EMILIN3: variants seen among roughly 807,000 people sequenced by gnomAD.
The protein encoded by EMILIN3 is elastin microfibril interfacer 3, also known as EMILIN-3.
EMILIN3 carries 38 observed loss-of-function variants against 42.8 expected under a neutral mutation model. The observed-to-expected ratio is 0.89, with a 90% confidence interval of 0.69 to 1.16. The LOEUF (loss-of-function observed/expected upper bound fraction) is 1.16, where lower values mean the gene tolerates loss of function less well. Among genes scored for constraint, EMILIN3 ranks in the 50% most tolerant of loss-of-function variants. The pLI, the probability that EMILIN3 is intolerant of heterozygous loss-of-function variation, is 0.00. For missense variants in EMILIN3, 924 were observed against 999.5 expected, an observed-to-expected ratio of 0.92 and a Z score of 1.02; for synonymous variants, 430 against 440.5, an observed-to-expected ratio of 0.98 and a Z score of 0.30.
Position 41,366,705 on chromosome 20 carries a change from G to T in EMILIN3, c.-71C>A. The T allele has an allele frequency of 1.1e-6, 1 of 940,606 alleles. No individual in the cohort carries two copies. Among genetic ancestry groups the T allele is most frequent in the East Asian group, 1.2e-4 (1 of 8,488 alleles). 58.3% of individuals were successfully genotyped at this position (940,606 alleles called of 1,614,324 possible). The stretch of plus-strand genomic sequence containing the variant: ...GGGTGTCCGCCTGCAGCGCCGCGCC[G>T]CCCCCGCCGCTGGTCGGCCCGGGTC... On this transcript the variant is annotated 5_prime_UTR_variant, in exon 1 of 4. Transcript: ENST00000332312. This position sits in a 1 kb window ranked among gnomAD's most constrained non-coding sequence, Gnocchi z 4.2.
Position 41,361,425 on chromosome 20 carries a change from G to C in EMILIN3, c.2144C>G (p.Thr715Ser). 6.2e-7 allele frequency: 1 copy of C among 1,610,726 alleles called. No homozygotes were observed. Among genetic ancestry groups the C allele is most frequent in the Non-Finnish European group, 8.5e-7 (1 of 1,178,440 alleles). The change falls in exon 4 of 4, where the codon ACT becomes AGT. Residue 715 changes from threonine to serine, a missense_variant. By Grantham distance (58) the Thr-to-Ser change is moderately conservative. Coordinates refer to ENST00000332312, the MANE Select transcript of EMILIN3 (RefSeq NM_052846.2). ...LLAAGLDSLP[T>S]EPLRPREGLW... ...GCCCTCTCTGGGCCTCAGTGGCTCA[G>C]TGGGCAAGCTGTCCAGGCCCGCGGC...
Position 41,361,276 on chromosome 20 carries a change from C to A in EMILIN3, c.2293G>T (p.Ala765Ser). The change falls in exon 4 of 4, where the codon GCC becomes TCC. Residue 765 changes from alanine to serine, a missense_variant. By Grantham distance (99) the Ala-to-Ser change is moderately conservative. Coordinates refer to ENST00000332312, the MANE Select transcript of EMILIN3 (RefSeq NM_052846.2). ...GGTCCTGGCCAGCCTGTCTAGTTGG[C>A]TTGCCCTGGCCGCACCTGCTCAGCC... ...QLAEQVRPGQ[A>S]N 1 of 1,584,092 alleles carries A rather than the reference C, an allele frequency of 6.3e-7. No homozygotes were observed. Among genetic ancestry groups the A allele is most frequent in the Non-Finnish European group, 8.6e-7 (1 of 1,158,888 alleles).
chr20:41,362,220 C>T lies in EMILIN3; in HGVS notation c.1349G>A (p.Arg450Lys), dbSNP rs142810247. The change falls in exon 4 of 4, where the codon AGG (arginine) becomes AAG (lysine). Residue 450 changes from arginine to lysine, a missense_variant. Transcript: ENST00000332312. ...CATGTCCAACCTCAGACAGCATCCC[C>T]TTGCTCCACCCTCTGTCCCATTGAG... ...ETLNGTEGGA[R>K]GCCLRLDMGG... The T allele has an allele frequency of 1.2e-6, 2 of 1,614,060 alleles. No homozygotes were observed. Among genetic ancestry groups the T allele is most frequent in the East Asian group, 4.5e-5 (2 of 44,874 alleles).
At position 41,366,355 on chromosome 20, in the gene EMILIN3, CGGCCTCGGGGTGCCCGG is replaced by C; in HGVS notation, c.167+96_167+112del. 1 of 807,802 alleles carries C rather than the reference CGGCCTCGGGGTGCCCGG, an allele frequency of 1.2e-6. No individual in the cohort carries two copies. The highest frequency in any genetic ancestry group is 1.5e-6 in the Non-Finnish European group (1 of 648,684). 50.0% of individuals were successfully genotyped at this position (807,802 alleles called of 1,614,324 possible). On this transcript the variant is annotated intron_variant, in intron 1 of 3. Transcript: ENST00000332312. This position sits in a 1 kb window ranked among gnomAD's most constrained non-coding sequence, Gnocchi z 4.2. Reference sequence around the variant, plus strand: ...CCCGGGCGCCGCCCCCTCTGTGCAGCGGCCTCGGGGTGCCCGGGGCCTCGACGCCCCCCGCGGGTGCG... The same window carrying C: ...CCCGGGCGCCGCCCCCTCTGTGCAGCGGCCTCGACGCCCCCCGCGGGTGCG...
Position 41,362,038 on chromosome 20 carries a change from C to A in EMILIN3, c.1531G>T (p.Glu511Ter). 6.2e-7 allele frequency: 1 copy of A among 1,611,216 alleles called. No individual in the cohort carries two copies. Among genetic ancestry groups the A allele is most frequent in the East Asian group, 2.2e-5 (1 of 44,770 alleles). Residue 511 changes from glutamate to a stop codon, truncating the protein, a stop_gained, in exon 4 of 4, where the codon GAG (glutamate) becomes TAG (stop). Transcript: ENST00000332312. LOFTEE classifies it high-confidence loss of function. ...GTCTCCAGTGAGACCAACCGTTGCT[C>A]TAGCACAGCCAGCTCTGTCTGTACA... ...PLVQTELAVL[E>*]QRLVSLETSC...
In EMILIN3 at chr20:41,361,146, GCCT is replaced by G. The variant is rs1230677591; in HGVS notation, c.*119_*121del. 6.3e-6 allele frequency: 6 copies of G among 949,456 alleles called. No individual in the cohort carries two copies. Among genetic ancestry groups the G allele is most frequent in the Non-Finnish European group, 7.6e-6 (5 of 656,328 alleles). 58.8% of individuals were successfully genotyped at this position (949,456 alleles called of 1,614,324 possible). Reference sequence around the variant, plus strand: ...AGCCACGTGGAGGATTCCCTCAGTGGCCTCCTTAGTGCCATTTGGGCTAGCCAG... The same window carrying G: ...AGCCACGTGGAGGATTCCCTCAGTGGCCTTAGTGCCATTTGGGCTAGCCAG... On this transcript the variant is annotated 3_prime_UTR_variant, in exon 4 of 4. Coordinates refer to ENST00000332312, the MANE Select transcript of EMILIN3 (RefSeq NM_052846.2).
intron 1 of EMILIN3, 56 bp from the exon 2 acceptor site, chr20:41,365,213 G>A (rs897439433): frequency 2.6e-5 from 42 of 1,598,340 alleles, no homozygotes; most frequent in Non-Finnish European, 3.3e-5. Flanking sequence ...CCACAGAGGC[G>A]CCTACCCTCC....
At chr20:41,363,316 T>C (rs2046377050) in intron 3 of EMILIN3, among the ~76,000 whole-genome samples, 1 of 152,128 alleles carries the variant, frequency 6.6e-6, no homozygotes, top group Middle Eastern at 3.2e-3. Flanking sequence ...ATTTTTTTTC[T>C]ATCTTTAGTA....
chr20:41,361,300 C>G lies in EMILIN3; in HGVS notation c.2269G>C (p.Ala757Pro). The G allele has an allele frequency of 6.3e-7, 1 of 1,599,396 alleles. No homozygotes were observed. The highest frequency in any genetic ancestry group is 8.6e-7 in the Non-Finnish European group (1 of 1,169,180). Residue 757 changes from alanine to proline, a missense_variant, in exon 4 of 4, where the codon GCT (alanine) becomes CCT (proline). By Grantham distance (27) the Ala-to-Pro change is conservative. Coordinates refer to ENST00000332312, the MANE Select transcript of EMILIN3 (RefSeq NM_052846.2). Reference protein sequence around the residue: ...DDLLDCQAQLAEQVRPGQAN With the variant: ...DDLLDCQAQLPEQVRPGQAN ...GCTTGCCCTGGCCGCACCTGCTCAG[C>G]CAGCTGGGCCTGGCAGTCCAGTAGG...
intron 3 of EMILIN3, 67 bp downstream of exon 3, chr20:41,363,571 C>G: frequency 6.8e-7 from 1 of 1,473,834 alleles, no homozygotes; most frequent in Non-Finnish European, 9.1e-7. Flanking sequence ...GATCAGTCCC[C>G]TCCCTGCCCC....
chr20:41,361,910 G>A lies in EMILIN3; in HGVS notation c.1659C>T (p.Ser553=). 1 of 1,613,262 alleles carries A rather than the reference G, an allele frequency of 6.2e-7. No individual in the cohort carries two copies. The highest frequency in any genetic ancestry group is 8.5e-7 in the Non-Finnish European group (1 of 1,179,996). Residue 553 remains serine, a synonymous_variant, in exon 4 of 4, where the codon AGC becomes AGT. Coordinates refer to ENST00000332312, the MANE Select transcript of EMILIN3 (RefSeq NM_052846.2). ...RSEALLRQVA[S]HAALLQQLNG... is the part of the protein sequence containing the mutation. ...TGAGCTGCTGGAGCAGTGCTGCGTG[G>A]CTGGCCACCTGGCGTAGGAGGGCCT...
rs563447012 is a variant in EMILIN3 at position 41,366,545 on chromosome 20, C to G, written c.90G>C (p.Arg30=). 2 of 1,147,846 alleles carry G rather than the reference C, an allele frequency of 1.7e-6. No individual in the cohort carries two copies. The highest frequency in any genetic ancestry group is 4.0e-5 in the South Asian group (1 of 25,232). 71.1% of individuals were successfully genotyped at this position (1,147,846 alleles called of 1,614,324 possible). Residue 30 remains arginine, a synonymous_variant, in exon 1 of 4, where the codon CGG becomes CGC. Coordinates refer to ENST00000332312, the MANE Select transcript of EMILIN3 (RefSeq NM_052846.2). This position sits in a 1 kb window ranked among gnomAD's most constrained non-coding sequence, Gnocchi z 4.2. ...AQARGTPLLA[R]PAPPGASRYS... is the part of the protein sequence containing the mutation. ...AGCGGGAGGCACCGGGCGGCGCAGG[C>G]CGCGCCAGGAGCGGGGTGCCCCTGG...
chr20:41,365,948 A>G (rs1448357558), intron 1 of EMILIN3, among the ~76,000 whole-genome samples: 1 of 148,254 alleles, frequency 6.7e-6, no homozygotes, highest in African/African-American at 2.5e-5. Flanking sequence ...GCCCGGAGCC[A>G]GGAGCCCGCT....
At chr20:41,364,989 G>A (rs767291135) in intron 2 of EMILIN3, 46 bp downstream of exon 2, 8 of 1,610,044 alleles carry the variant, frequency 5.0e-6, no homozygotes, top group Middle Eastern at 1.7e-4. Context: ...CAGGACTGGC[G>A]CTTGTGCCAG....
In EMILIN3 at chr20:41,361,386, A is replaced by C; in HGVS notation, c.2183T>G (p.Val728Gly). Residue 728 changes from valine (V) to glycine (G), a missense_variant, in exon 4 of 4, where the codon GTG becomes GGG. Coordinates refer to ENST00000332312, the MANE Select transcript of EMILIN3 (RefSeq NM_052846.2). ...GGCCAGCGTACGATTCAGCTGGTCC[A>C]CATGGCTCCACAGGCCCTCTCTGGG... ...LRPREGLWSHVDQLNRTLAQH... is the reference protein window; with the variant it reads ...LRPREGLWSHGDQLNRTLAQH... 6.2e-7 allele frequency: 1 copy of C among 1,613,090 alleles called. No homozygotes were observed. Among genetic ancestry groups the C allele is most frequent in the Non-Finnish European group, 8.5e-7 (1 of 1,179,690 alleles).
chr20:41,363,200 G>A (rs1238182008), intron 3 of EMILIN3, 146 bp from the exon 4 acceptor site: 2 of 743,924 alleles, frequency 2.7e-6, no homozygotes, highest in African/African-American at 3.6e-5. Context: ...GAGTGCAGTG[G>A]TGTGCTCTTG....
Position 41,362,797 on chromosome 20 carries a change from C to A in EMILIN3, c.772G>T (p.Val258Leu). 6.2e-7 allele frequency: 1 copy of A among 1,614,228 alleles called. No individual in the cohort carries two copies. Among genetic ancestry groups the A allele is most frequent in the Non-Finnish European group, 8.5e-7 (1 of 1,180,044 alleles). ...LDEILSKVTEVSNTLQTKVQL... is the reference protein window; with the variant it reads ...LDEILSKVTELSNTLQTKVQL... ...ACCTTGGTCTGAAGAGTGTTGCTCA[C>A]CTCTGTCACCTTGCTTAGGATCTCG... Residue 258 changes from valine (V) to leucine (L), a missense_variant, in exon 4 of 4, where the codon GTG (valine) becomes TTG (leucine). By Grantham distance (32) the Val-to-Leu change is conservative (BLOSUM62 1). Coordinates refer to ENST00000332312, the MANE Select transcript of EMILIN3 (RefSeq NM_052846.2).
rs758495759 is a variant in EMILIN3 at position 41,362,649 on chromosome 20, C to A, written c.920G>T (p.Arg307Leu). 5.0e-6 allele frequency: 8 copies of A among 1,608,710 alleles called. No individual in the cohort carries two copies. The highest frequency in any genetic ancestry group is 5.9e-6 in the Non-Finnish European group (7 of 1,179,866). Residue 307 changes from arginine to leucine, a missense_variant, in exon 4 of 4, where the codon CGG becomes CTG. Arg to Leu is a moderately radical substitution (Grantham distance 102). Coordinates refer to ENST00000332312, the MANE Select transcript of EMILIN3 (RefSeq NM_052846.2). ...LALLEEYVDR[R>L]LHRLWGSLLD... ...CAGGCTCCCCCAGAGTCGGTGCAGC[C>A]GTCGGTCCACGTACTCCTCCAGCAG...
Position 41,366,419 on chromosome 20 carries a change from G to A in EMILIN3, c.167+49C>T, listed in dbSNP as rs1421460532. 1 of 1,091,930 alleles carries A rather than the reference G, an allele frequency of 9.2e-7. No homozygotes were observed. 67.6% of individuals were successfully genotyped at this position (1,091,930 alleles called of 1,614,324 possible). A position where few individuals can be genotyped will look rare whatever the true frequency, so the allele number is the denominator to read the frequency against. ...TGCGGGCAGGTGGGAGCGGCGACGC[G>A]CGCGGGCCCATCCCTCCCTCTTCCC... On this transcript the variant is annotated intron_variant, in intron 1 of 3. Coordinates refer to ENST00000332312, the MANE Select transcript of EMILIN3 (RefSeq NM_052846.2). This position sits in a 1 kb window ranked among gnomAD's most constrained non-coding sequence, Gnocchi z 4.2.
Sources: allele counts gnomAD v4.1 joint callset (sites outside exome capture counted in the v4.1 genomes callset), GRCh38; gene constraint gnomAD v4.1.1; non-coding constraint Gnocchi (gnomAD v3.1); transcripts MANE v1.5; gene names NCBI Gene and HGNC (gene_info 2026-07-23, HGNC 2026-07-21).